DSCAM: variants seen among roughly 807,000 people sequenced by gnomAD.
DSCAM encodes DS cell adhesion molecule, also known as cell adhesion molecule DSCAM.
A neutral mutation model predicts 217.7 loss-of-function variants in DSCAM; 47 were observed. The ratio of observed to expected loss-of-function variants is 0.22; its 90% CI spans 0.17 to 0.28. The LOEUF is 0.28. DSCAM is among the 10% of genes least tolerant of loss of function. The pLI is 1.00. For synonymous variants in DSCAM, 1,056 were observed against 1,015.3 expected, an observed-to-expected ratio of 1.04 and a Z score of -0.76; for missense variants, 2,080 against 2,618.3, an observed-to-expected ratio of 0.79 and a Z score of 4.49.
chr21:40,576,898 C>A lies in DSCAM; in HGVS notation c.508+115912G>T, dbSNP rs79390722. Among the ~76,000 whole-genome samples, 1,368 of 151,716 alleles carry A rather than the reference C, an allele frequency of 9.0e-3. 18 individuals carry two copies. Among genetic ancestry groups the A allele is most frequent in the African/African-American group, 0.032 (1,312 of 41,398 alleles). On this transcript the variant is annotated intron_variant, in intron 3 of 32. Coordinates refer to ENST00000400454, the MANE Select transcript of DSCAM (RefSeq NM_001389.5). ...GCATCTATCAACAATTAGCGTTGCA[C>A]CCAGGCGAGTTAGAGAAAACGCCAC...
intron 22 of DSCAM, 81 bp from the exon 23 acceptor site, chr21:40,085,846 C>G: frequency 8.0e-7 from 1 of 1,256,468 alleles, no homozygotes; most frequent in Non-Finnish European, 1.0e-6. Flanking sequence ...CAGAAAGACT[C>G]TGTGAAGCAA....
At position 40,312,211 on chromosome 21, in the gene DSCAM, G is replaced by C. The variant is rs752446240; in HGVS notation, c.1932C>G (p.Thr644=). ...AGCTCGTGAAGTCAATATTGTCAAT[G>C]GTCACCCCAAGGCTCCCAGGGATTG... ...GRPIPGSLGV[T]IDNIDFTSSL... Residue 644 remains threonine (T), a synonymous_variant, in exon 9 of 33, where the codon ACC becomes ACG. Transcript: ENST00000400454. 9 of 1,613,870 alleles carry C rather than the reference G, an allele frequency of 5.6e-6. No individual in the cohort carries two copies. The highest frequency in any genetic ancestry group is 6.8e-6 in the Non-Finnish European group (8 of 1,179,994).
At position 40,846,759 on chromosome 21, in the gene DSCAM, G is replaced by C. The variant is rs994515737; in HGVS notation, c.-98C>G. On this transcript the variant is annotated 5_prime_UTR_variant, in exon 1 of 33. Transcript: ENST00000400454. ...CGCTCGCCGCTCGGCACCTGCCCGG[G>C]GGCCGCCGCCCGCCCGCCGCCCGCC... 3.9e-6 allele frequency: 2 copies of C among 509,154 alleles called. No individual in the cohort carries two copies. The highest frequency in any genetic ancestry group is 5.0e-6 in the Non-Finnish European group (2 of 397,018). The allele number at this position is 509,154 out of a possible 1,614,324, so 31.5% of individuals were successfully genotyped here. A position where few individuals can be genotyped will look rare whatever the true frequency, so the allele number is the denominator to read the frequency against.
intron 3 of DSCAM, among the ~76,000 whole-genome samples, chr21:40,461,340 CA>C (rs2075804319): frequency 6.6e-6 from 1 of 152,102 alleles, no homozygotes; most frequent in African/African-American, 2.4e-5. Context: ...ATAATAATAA[CA>C]TTTTCTAAAA....
chr21:40,458,292 A>G (rs2075779574), intron 3 of DSCAM, among the ~76,000 whole-genome samples: 1 of 152,204 alleles, frequency 6.6e-6, no homozygotes. Flanking sequence ...ATATTTCCCC[A>G]CAAAGTTATA....
chr21:40,454,048 T>C (rs1239030243), intron 3 of DSCAM, among the ~76,000 whole-genome samples: 1 of 152,214 alleles, frequency 6.6e-6, no homozygotes, highest in East Asian at 1.9e-4. Flanking sequence ...AAACACATCC[T>C]AATGAGCAAA....
At chr21:40,444,364 C>G (rs932746427) in intron 3 of DSCAM, among the ~76,000 whole-genome samples, 19 of 152,194 alleles carry the variant, frequency 1.2e-4, no homozygotes, top group African/African-American at 4.1e-4. Context: ...GTCTCTGACA[C>G]TGCTGTGATC....
intron 27 of DSCAM, among the ~76,000 whole-genome samples, chr21:40,065,870 T>G (rs768312261): frequency 6.6e-6 from 1 of 152,240 alleles, no homozygotes; most frequent in Non-Finnish European, 1.5e-5. Flanking sequence ...GGGACCTCAC[T>G]GCAACAGCCC....
chr21:40,377,226 T>C (rs889024183), intron 3 of DSCAM, among the ~76,000 whole-genome samples: 4 of 152,052 alleles, frequency 2.6e-5, no homozygotes, highest in Non-Finnish European at 5.9e-5. Flanking sequence ...GATGAGAAAA[T>C]TGAGAAACAG....
intron 8 of DSCAM, among the ~76,000 whole-genome samples, chr21:40,328,406 T>C (rs1302099331): frequency 6.6e-6 from 1 of 152,008 alleles, no homozygotes; most frequent in African/African-American, 2.4e-5. Context: ...GGAAACTAGA[T>C]ACCCACAAGC....
chr21:40,198,248 T>C (rs1183646611), intron 11 of DSCAM, among the ~76,000 whole-genome samples: 1 of 152,220 alleles, frequency 6.6e-6, no homozygotes, highest in Admixed American at 6.5e-5. Context: ...TTCTAAAATA[T>C]AAAGCTTTTT....
At position 40,062,922 on chromosome 21, in the gene DSCAM, A is replaced by T. The variant is rs751069934; in HGVS notation, c.4889-23T>A. 1.9e-6 allele frequency: 3 copies of T among 1,589,208 alleles called. No homozygotes were observed. In the East Asian group the frequency reaches 6.9e-5, roughly 37 times the overall value. On this transcript the variant is annotated intron_variant, in intron 27 of 32. Coordinates refer to ENST00000400454, the MANE Select transcript of DSCAM (RefSeq NM_001389.5). The stretch of plus-strand genomic sequence containing the variant: ...CATCTGGGGAAAGAAAGTTAACATT[A>T]GTACATGGTAAATAACTCATTAACA...
At chr21:40,425,663 G>A (rs908415002) in intron 3 of DSCAM, among the ~76,000 whole-genome samples, 6 of 135,284 alleles carry the variant, frequency 4.4e-5, no homozygotes, top group Admixed American at 1.5e-4. Flanking sequence ...AGCGAAACTC[G>A]GTGTCCAAAA....
At chr21:40,344,151 G>A (rs1361338532) in intron 6 of DSCAM, among the ~76,000 whole-genome samples, 1 of 152,094 alleles carries the variant, frequency 6.6e-6, no homozygotes, top group Non-Finnish European at 1.5e-5. Flanking sequence ...CGCCTGTCTC[G>A]GCTTCCTAAA....
intron 3 of DSCAM, among the ~76,000 whole-genome samples, chr21:40,597,995 T>C (rs906773549): frequency 1.3e-5 from 2 of 152,220 alleles, no homozygotes; most frequent in African/African-American, 4.8e-5. Context: ...CTGTGTGTTG[T>C]ACGTTCTGTG....
chr21:40,521,936 ACACG>A (rs2076362505), intron 3 of DSCAM, among the ~76,000 whole-genome samples: 2 of 152,240 alleles, frequency 1.3e-5, no homozygotes, highest in Non-Finnish European at 2.9e-5. Context: ...AACAACGTAT[ACACG>A]TTTCAAAACA....
chr21:40,131,562 A>T (rs1173309886), intron 19 of DSCAM, among the ~76,000 whole-genome samples: 1 of 152,148 alleles, frequency 6.6e-6, no homozygotes, highest in Non-Finnish European at 1.5e-5. Flanking sequence ...AGTAGCTGGG[A>T]TTAGAGGTGC....
intron 3 of DSCAM, among the ~76,000 whole-genome samples, chr21:40,393,669 T>C (rs764659205): frequency 6.6e-6 from 1 of 152,160 alleles, no homozygotes; most frequent in Non-Finnish European, 1.5e-5. Flanking sequence ...ATTATTAACA[T>C]GTTTGCATAT....
chr21:40,185,672 C>T (rs564543793), intron 14 of DSCAM, among the ~76,000 whole-genome samples: 1 of 152,352 alleles, frequency 6.6e-6, no homozygotes, highest in African/African-American at 2.4e-5. Flanking sequence ...AGTTTCTGCT[C>T]AAATGTGCCT....
Sources: allele counts gnomAD v4.1 joint callset (sites outside exome capture counted in the v4.1 genomes callset), GRCh38; gene constraint gnomAD v4.1.1; transcripts MANE v1.5; gene names NCBI Gene and HGNC (gene_info 2026-07-23, HGNC 2026-07-21).